Variants in DPP6 observed in about 807,000 individuals in gnomAD.
The protein encoded by DPP6 is dipeptidyl peptidase like 6, also known as A-type potassium channel modulatory protein DPP6.
Under a neutral mutation model 122.6 loss-of-function variants are expected in DPP6, and 69 were observed. The observed-to-expected ratio is 0.56, with a 90% CI of 0.46 to 0.69. The LOEUF (loss-of-function observed/expected upper bound fraction) is 0.69. DPP6 is among the 30% of genes least tolerant of loss of function. DPP6 has a pLI of 0.00. For missense variants in DPP6, 928 were observed against 1,116.9 expected (o/e 0.83, Z 2.41); for synonymous variants, 418 against 433.1 (o/e 0.97, Z 0.43).
At chr7:154,348,729 G>A (rs1810601136) in intron 1 of DPP6, among the ~76,000 whole-genome samples, 1 of 152,100 alleles carries the variant, frequency 6.6e-6, no homozygotes, top group Admixed American at 6.5e-5. Flanking sequence ...GTTGCTGAGT[G>A]GAGGCTTAAA....
At chr7:154,113,365 A>G (rs1393854183) in intron 1 of DPP6, among the ~76,000 whole-genome samples, 1 of 151,694 alleles carries the variant, frequency 6.6e-6, no homozygotes, top group Non-Finnish European at 1.5e-5. Flanking sequence ...TCTGATTTCT[A>G]CACATCCTTG....
chr7:154,422,707 A>AGATGGATGGGTGGGTG (rs148407252), intron 1 of DPP6, among the ~76,000 whole-genome samples: 101,606 of 129,768 alleles, frequency 0.78, 39,914 homozygotes, highest in Non-Finnish European at 0.81. Context: ...GTGGGTGGGT[A>AGATGGATGGGTGGGTG]GATGGATGGG....
At chr7:154,250,460 C>T (rs1802283525) in intron 1 of DPP6, among the ~76,000 whole-genome samples, 1 of 151,856 alleles carries the variant, frequency 6.6e-6, no homozygotes. Context: ...GAGAGTTTAT[C>T]TCAGAAGTCT....
In DPP6 at chr7:154,486,335, T is replaced by C. The variant is rs879901175; in HGVS notation, c.457+11298T>C. On this transcript the variant is annotated intron_variant, in intron 3 of 25. Coordinates refer to ENST00000377770, the MANE Select transcript of DPP6 (RefSeq NM_130797.4). The surrounding 1 kb of genome is among the most constrained non-coding windows in gnomAD (Gnocchi z 4.5). ...TTTTAGAAGAGACAGGGTTGCACCA[T>C]GTTGGTCAGGCTGGTCTCGAACTAC... 2.7e-4 allele frequency among the ~76,000 whole-genome samples: 41 copies of C among 152,224 alleles called. No individual in the cohort carries two copies. Among genetic ancestry groups the C allele is most frequent in the African/African-American group, 9.1e-4 (38 of 41,558 alleles).
chr7:154,031,992 G>A (rs1799261080), intron 1 of DPP6, among the ~76,000 whole-genome samples: 2 of 150,028 alleles, frequency 1.3e-5, no homozygotes, highest in South Asian at 4.2e-4. Context: ...CTCCCGAGTA[G>A]CTGGGACTAC....
the DPP6 span, among the ~76,000 whole-genome samples, chr7:153,786,535 C>G: frequency 1.6e-5 from 2 of 127,830 alleles, no homozygotes; most frequent in Admixed American, 1.5e-4. Flanking sequence ...GTCAGGAGAT[C>G]GAGACCATCC....
chr7:153,791,349 C>A, the DPP6 span, among the ~76,000 whole-genome samples: 1 of 151,766 alleles, frequency 6.6e-6, no homozygotes, highest in African/African-American at 2.4e-5. Flanking sequence ...TACCTATTCA[C>A]ATCTCCAGGA....
chr7:154,716,739 T>C (rs1303249427), intron 7 of DPP6, among the ~76,000 whole-genome samples: 1 of 146,526 alleles, frequency 6.8e-6, no homozygotes, highest in African/African-American at 2.8e-5. Context: ...CAATATATTA[T>C]GCCATTTTTA....
intron 1 of DPP6, among the ~76,000 whole-genome samples, chr7:154,384,257 T>A (rs1813885415): frequency 6.6e-6 from 1 of 152,068 alleles, no homozygotes; most frequent in Admixed American, 6.5e-5. Flanking sequence ...AGATTATTGT[T>A]TATTTGAGGA....
In DPP6 at chr7:154,292,815, A is replaced by G. The variant is rs143769445; in HGVS notation, c.244-153399A>G. ...GCGTTTCACAAAAGTTACACAAAAC[A>G]ATACCTTTCTGAGGAGTTTATGTTC... is the stretch of plus-strand genomic sequence containing the variant. On this transcript the variant is annotated intron_variant, in intron 1 of 25. Transcript: ENST00000377770. Among the ~76,000 whole-genome samples the G allele has an allele frequency of 3.8e-3, 573 of 152,362 alleles. 1 individual carries two copies. Among genetic ancestry groups the G allele is most frequent in the Non-Finnish European group, 5.8e-3 (393 of 68,032 alleles).
At chr7:154,521,309 G>A (rs76674274) in intron 3 of DPP6, among the ~76,000 whole-genome samples, 1 of 150,602 alleles carries the variant, frequency 6.6e-6, no homozygotes, top group Non-Finnish European at 1.5e-5. Context: ...TTTCTTTTAT[G>A]TTAGGTTCAA....
intron 3 of DPP6, among the ~76,000 whole-genome samples, chr7:154,498,269 T>G (rs60159390): frequency 0.056 from 8,596 of 152,256 alleles, 796 homozygotes; most frequent in African/African-American, 0.19. Context: ...TCCCAAATAA[T>G]TGGGTTAACC....
At chr7:154,354,096 C>T (rs533097779) in intron 1 of DPP6, among the ~76,000 whole-genome samples, 113 of 152,210 alleles carry the variant, frequency 7.4e-4, no homozygotes, top group African/African-American at 2.4e-3. Flanking sequence ...GCCCTGGCTC[C>T]GTGAAATCAG....
chr7:154,767,899 C>T (rs936368987), intron 8 of DPP6, among the ~76,000 whole-genome samples: 2 of 152,170 alleles, frequency 1.3e-5, no homozygotes, highest in East Asian at 3.9e-4. Context: ...GGGCTGTCTG[C>T]TGGGGAGTCT....
chr7:154,020,168 G>A (rs1216429707), intron 1 of DPP6, among the ~76,000 whole-genome samples: 6 of 152,124 alleles, frequency 3.9e-5, no homozygotes, highest in East Asian at 1.9e-4. Context: ...TCAAGATGTC[G>A]TTTTGGGTTT....
intron 1 of DPP6, among the ~76,000 whole-genome samples, chr7:154,107,042 C>G (rs1806214037): frequency 6.6e-6 from 1 of 152,042 alleles, no homozygotes; most frequent in African/African-American, 2.4e-5. Flanking sequence ...AAAAAAAAAT[C>G]CAAAATAGAA....
intron 5 of DPP6, among the ~76,000 whole-genome samples, chr7:154,585,795 C>T (rs1326852922): frequency 6.6e-6 from 1 of 152,022 alleles, no homozygotes; most frequent in Non-Finnish European, 1.5e-5. Flanking sequence ...CTTTTTGATC[C>T]TTGGTGGTTG....
intron 4 of DPP6, among the ~76,000 whole-genome samples, chr7:154,560,577 T>C (rs942006756): frequency 6.6e-6 from 1 of 152,180 alleles, no homozygotes; most frequent in Non-Finnish European, 1.5e-5. Context: ...TATAAAGACA[T>C]AGATTAAAAT....
chr7:154,570,940 T>A lies in DPP6; in HGVS notation c.627+4024T>A, dbSNP rs182512231. The stretch of plus-strand genomic sequence containing the variant: ...GTTGAAAATAATAAACAGTATTGTG[T>A]TTGTATTTATGTGGCACCAGCATTA... On this transcript the variant is annotated intron_variant, in intron 5 of 25. Coordinates refer to ENST00000377770, the MANE Select transcript of DPP6 (RefSeq NM_130797.4). Among the ~76,000 whole-genome samples, 336 of 152,348 alleles carry A rather than the reference T, an allele frequency of 2.2e-3. 4 individuals carry two copies. Among genetic ancestry groups the A allele is most frequent in the Non-Finnish European group, 1.7e-3 (114 of 68,028 alleles).
Sources: allele counts gnomAD v4.1 joint callset (sites outside exome capture counted in the v4.1 genomes callset), GRCh38; gene constraint gnomAD v4.1.1; non-coding constraint Gnocchi (gnomAD v3.1); transcripts MANE v1.5; gene names NCBI Gene and HGNC (gene_info 2026-07-23, HGNC 2026-07-21).